CEP63: variants seen among roughly 807,000 people sequenced by gnomAD.
CEP63 encodes the protein centrosomal protein 63.
CEP63 carries 84 observed loss-of-function variants against 89.1 expected under a neutral mutation model. The observed-to-expected ratio is 0.94, with a 90% CI of 0.79 to 1.13. The LOEUF (loss-of-function observed/expected upper bound fraction) is 1.13, where lower values mean the gene tolerates loss of function less well. CEP63 is among the 50% of genes most tolerant of loss of function. CEP63 has a pLI of 0.00. For missense variants in CEP63, 838 were observed against 813.3 expected (o/e 1.03, Z -0.37); for synonymous variants, 267 against 272.5 (o/e 0.98, Z 0.20).
chr3:134,493,639 C>T (rs1281992353), intron 1 of CEP63, among the ~76,000 whole-genome samples: 6 of 152,072 alleles, frequency 3.9e-5, no homozygotes, highest in Non-Finnish European at 2.9e-5. Context: ...TTCTATTTTC[C>T]AGTCTTCTCA....
chr3:134,695,923 G>T, the CEP63 span, among the ~76,000 whole-genome samples: 1 of 152,234 alleles, frequency 6.6e-6, no homozygotes, highest in African/African-American at 2.4e-5. Context: ...TTTTACACTG[G>T]TGAAAACTGA....
At chr3:134,593,348 T>A in the CEP63 span, among the ~76,000 whole-genome samples, 1 of 152,348 alleles carries the variant, frequency 6.6e-6, no homozygotes, top group South Asian at 2.1e-4. Flanking sequence ...TTGTACCATA[T>A]GTTAGCTCAT....
At chr3:134,639,030 G>A in the CEP63 span, among the ~76,000 whole-genome samples, 3 of 138,078 alleles carry the variant, frequency 2.2e-5, no homozygotes, top group South Asian at 4.6e-4. Flanking sequence ...TCTATAACAG[G>A]TTGGCACATT....
the CEP63 span, among the ~76,000 whole-genome samples, chr3:134,722,796 A>G: frequency 6.6e-6 from 1 of 152,154 alleles, no homozygotes. Context: ...GTTGATACCA[A>G]TTTGAATTTT....
chr3:134,694,210 A>G, the CEP63 span, among the ~76,000 whole-genome samples: 1 of 152,176 alleles, frequency 6.6e-6, no homozygotes, highest in East Asian at 1.9e-4. Context: ...AACCCTGCAG[A>G]CAGGCAGGTG....
the CEP63 span, among the ~76,000 whole-genome samples, chr3:134,677,266 A>T: frequency 6.6e-6 from 1 of 152,182 alleles, no homozygotes; most frequent in East Asian, 1.9e-4. Context: ...CTCAAAAAAA[A>T]GTTCTCCCTT....
intron 6 of CEP63, among the ~76,000 whole-genome samples, chr3:134,543,992 T>C: frequency 6.6e-6 from 1 of 150,804 alleles, no homozygotes; most frequent in East Asian, 1.9e-4. Flanking sequence ...TGCACTGAAA[T>C]CTTGATCGGT....
chr3:134,521,612 A>T (rs1947475433), intron 3 of CEP63, among the ~76,000 whole-genome samples: 1 of 152,092 alleles, frequency 6.6e-6, no homozygotes, highest in Non-Finnish European at 1.5e-5. Context: ...TTCTGTTTAC[A>T]TGCATAATTT....
intron 6 of CEP63, among the ~76,000 whole-genome samples, chr3:134,542,230 A>G (rs1391606626): frequency 3.3e-5 from 5 of 152,174 alleles, no homozygotes; most frequent in Non-Finnish European, 7.3e-5. Flanking sequence ...TATGTATATA[A>G]ATATATTTAT....
the CEP63 span, among the ~76,000 whole-genome samples, chr3:134,643,082 G>C: frequency 6.6e-6 from 1 of 152,220 alleles, no homozygotes; most frequent in Non-Finnish European, 1.5e-5. Flanking sequence ...CGTGCTCTGA[G>C]GCCCATGGGC....
chr3:134,628,623 T>C, the CEP63 span, among the ~76,000 whole-genome samples: 1 of 152,236 alleles, frequency 6.6e-6, no homozygotes, highest in African/African-American at 2.4e-5. Flanking sequence ...ACCTACCTTT[T>C]TGATAGAATG....
chr3:134,587,734 C>G (rs1386500629), exon 11 of CEP63, among the ~76,000 whole-genome samples: 1 of 151,938 alleles, frequency 6.6e-6, no homozygotes, highest in Non-Finnish European at 1.5e-5. Flanking sequence ...CTCTTTGGAG[C>G]TCACCTGGAA....
intron 3 of CEP63, among the ~76,000 whole-genome samples, chr3:134,526,982 T>TG (rs1264350808): frequency 1.4e-4 from 21 of 152,232 alleles, no homozygotes; most frequent in African/African-American, 4.8e-4. Flanking sequence ...TCCACTGCAT[T>TG]GGGGGGTCAG....
chr3:134,578,721 G>A (rs748943789), downstream of CEP63, among the ~76,000 whole-genome samples: 6 of 152,124 alleles, frequency 3.9e-5, no homozygotes, highest in Non-Finnish European at 7.3e-5. Context: ...CTTTTGAGAA[G>A]TGTCTGTTCA....
the CEP63 span, among the ~76,000 whole-genome samples, chr3:134,679,083 C>G: frequency 6.6e-6 from 1 of 152,078 alleles, no homozygotes; most frequent in African/African-American, 2.4e-5. Flanking sequence ...GAAATGTCAT[C>G]TTTTTTGTTG....
In CEP63 at chr3:134,561,268, G is replaced by GA. The variant is rs1957291787; in HGVS notation, c.1954-102dup. 32 of 1,174,042 alleles carry GA rather than the reference G, an allele frequency of 2.7e-5. 1 individual carries two copies. In the South Asian group the frequency reaches 2.8e-4, roughly 10 times the overall value. The allele number at this position is 1,174,042 out of a possible 1,614,324, so 72.7% of individuals were successfully genotyped here. A position where few individuals can be genotyped will look rare whatever the true frequency, so the allele number is the denominator to read the frequency against. ...GAAAACCAAAAAAGTATCTTCAGAG[G>GA]AAAAAAATCACCTTTTAATATTGCT... On this transcript the variant is annotated intron_variant, in intron 14 of 14. Coordinates refer to ENST00000675561, the MANE Select transcript of CEP63 (RefSeq NM_001353108.3).
intron 11 of CEP63, chr3:134,574,772 T>C: frequency 1.7e-6 from 1 of 600,150 alleles, no homozygotes; most frequent in Non-Finnish European, 3.0e-6. Context: ...CCTGGCTAAT[T>C]TTTTATATTT....
the CEP63 span, among the ~76,000 whole-genome samples, chr3:134,731,288 T>C: frequency 6.6e-6 from 1 of 152,196 alleles, no homozygotes; most frequent in African/African-American, 2.4e-5. Context: ...GAGACTCCTA[T>C]AGCAAGAAAT....
At chr3:134,667,574 C>G in the CEP63 span, among the ~76,000 whole-genome samples, 3 of 152,180 alleles carry the variant, frequency 2.0e-5, no homozygotes, top group Non-Finnish European at 2.9e-5. Context: ...AAAGTTCACC[C>G]GGGGGAAGAC....
Sources: gnomAD v4.1 joint callset for allele counts (sites outside exome capture counted in the v4.1 genomes callset) on GRCh38, gnomAD v4.1.1 for gene constraint, MANE v1.5 for transcripts, NCBI Gene and HGNC (gene_info 2026-07-23, HGNC 2026-07-21) for gene names.